SLC26A4: variants seen among roughly 807,000 people sequenced by gnomAD.
SLC26A4 encodes pendrin.
Under a neutral mutation model 90.4 loss-of-function variants are expected in SLC26A4, and 93 were observed. The ratio of observed to expected loss-of-function variants is 1.03; its 90% CI spans 0.87 to 1.22. SLC26A4 has a LOEUF of 1.22. Among genes scored for constraint, SLC26A4 ranks in the 50% most tolerant of loss-of-function variants. SLC26A4 has a pLI of 0.00. For synonymous variants in SLC26A4, 393 were observed against 354.6 expected, an observed-to-expected ratio of 1.11 and a Z score of -1.22; for missense variants, 1,127 against 946.2, an observed-to-expected ratio of 1.19 and a Z score of -2.51.
At chr7:107,690,469 C>T (rs189726748) in intron 10 of SLC26A4, among the ~76,000 whole-genome samples, 57 of 152,286 alleles carry the variant, frequency 3.7e-4, no homozygotes, top group African/African-American at 1.3e-3. Flanking sequence ...TCAGTGCTTA[C>T]CTGTCATGTA....
intron 6 of SLC26A4, among the ~76,000 whole-genome samples, chr7:107,676,538 T>G (rs1317297631): frequency 6.6e-6 from 1 of 152,214 alleles, no homozygotes; most frequent in East Asian, 1.9e-4. Context: ...TAAAAATGTG[T>G]TCTACATAAA....
intron 8 of SLC26A4, among the ~76,000 whole-genome samples, chr7:107,686,453 C>CT (rs368454334): frequency 2.7e-5 from 1 of 36,766 alleles, no homozygotes; most frequent in Non-Finnish European, 5.3e-5. Flanking sequence ...TTCTTTCTTT[C>CT]TTTTCTTTCT....
Position 107,694,283 on chromosome 7 carries a change from G to A in SLC26A4, c.1264-120G>A, listed in dbSNP as rs759537865. On this transcript the variant is annotated intron_variant, in intron 10 of 20. Coordinates refer to ENST00000644269, the MANE Select transcript of SLC26A4 (RefSeq NM_000441.2). ...TTTTCTCGACAGTATTGAGCAGAAG[G>A]GGGAGACAGGGAAGTATGAAGTGTG... 1.2e-5 allele frequency: 9 copies of A among 768,142 alleles called. No individual in the cohort carries two copies. The Admixed American group carries it at 1.8e-4, about 15-fold the overall frequency. 47.6% of individuals were successfully genotyped at this position (768,142 alleles called of 1,614,324 possible).
At chr7:107,705,643 T>A (rs1319214038) in intron 18 of SLC26A4, among the ~76,000 whole-genome samples, 1 of 38,368 alleles carries the variant, frequency 2.6e-5, no homozygotes, top group Non-Finnish European at 4.9e-5. Context: ...CCATGACTGG[T>A]TAAATTAAAG....
chr7:107,700,235 A>T, intron 15 of SLC26A4, 60 bp downstream of exon 15: 1 of 837,102 alleles, frequency 1.2e-6, no homozygotes, highest in Non-Finnish European at 2.1e-6. Flanking sequence ...CATTCATTCT[A>T]CAAGTATTTA....
intron 6 of SLC26A4, among the ~76,000 whole-genome samples, chr7:107,676,696 GT>G (rs1304931933): frequency 2.0e-5 from 3 of 152,166 alleles, no homozygotes; most frequent in Non-Finnish European, 4.4e-5. Flanking sequence ...CTAAAACAAT[GT>G]AAGGCCATGT....
chr7:107,680,300 A>AATGTTATTTTATT (rs79285399), intron 6 of SLC26A4, among the ~76,000 whole-genome samples: 1 of 36,160 alleles, frequency 2.8e-5, no homozygotes, highest in Non-Finnish European at 4.6e-5. Context: ...CTTATTATAT[A>AATGTTATTTTATT]ATATAATCTT....
chr7:107,674,043 T>C (rs1430694546), intron 4 of SLC26A4, 121 bp from the exon 5 acceptor site: 1 of 1,075,360 alleles, frequency 9.3e-7, no homozygotes, highest in Non-Finnish European at 1.4e-6. Context: ...GCTTCTTTCG[T>C]GAACAAACAA....
chr7:107,694,178 T>C (rs1392354985), intron 10 of SLC26A4, among the ~76,000 whole-genome samples: 1 of 152,218 alleles, frequency 6.6e-6, no homozygotes, highest in Non-Finnish European at 1.5e-5. Flanking sequence ...TCAGTCCCCA[T>C]ATTTTCTTTA....
At chr7:107,711,530 C>T (rs187057455) in intron 19 of SLC26A4, among the ~76,000 whole-genome samples, 34 of 152,170 alleles carry the variant, frequency 2.2e-4, no homozygotes, top group African/African-American at 8.2e-4. Context: ...CTAAGCATAA[C>T]GGAATGCTTG....
chr7:107,666,048 T>C (rs1197600097), intron 3 of SLC26A4, among the ~76,000 whole-genome samples: 2 of 152,182 alleles, frequency 1.3e-5, no homozygotes, highest in African/African-American at 4.8e-5. Context: ...CCATGTGCAC[T>C]CAGTGGTTCA....
intron 18 of SLC26A4, among the ~76,000 whole-genome samples, chr7:107,707,953 A>C (rs1360929202): frequency 1.3e-5 from 2 of 152,214 alleles, no homozygotes; most frequent in Non-Finnish European, 2.9e-5. Context: ...ATGAAATAAA[A>C]CCAAAGTGAA....
At chr7:107,699,927 C>CA (rs35161285) in intron 14 of SLC26A4, among the ~76,000 whole-genome samples, 156 bp from the exon 15 acceptor site, 98 of 140,362 alleles carry the variant, frequency 7.0e-4, no homozygotes, top group Middle Eastern at 3.7e-3. Context: ...AACTCCATCT[C>CA]AAAAAAAAAA....
chr7:107,710,535 A>T lies in SLC26A4; in HGVS notation c.2235+336A>T, dbSNP rs1179291706. Among the ~76,000 whole-genome samples, 5 of 152,244 alleles carry T rather than the reference A, an allele frequency of 3.3e-5. No homozygotes were observed. The East Asian group carries it at 9.6e-4, about 29-fold the overall frequency. On this transcript the variant is annotated intron_variant, in intron 19 of 20. Coordinates refer to ENST00000644269, the MANE Select transcript of SLC26A4 (RefSeq NM_000441.2). ...ATCTTTTGTGATCTGGGATTTGTGT[A>T]CATAAATTCCACTTAAATTCTCAGC...
chr7:107,674,053 A>G, intron 4 of SLC26A4, 111 bp from the exon 5 acceptor site: 1 of 1,148,348 alleles, frequency 8.7e-7, no homozygotes, highest in Non-Finnish European at 1.3e-6. Flanking sequence ...TGAACAAACA[A>G]TATTTTCCTA....
chr7:107,671,765 A>G (rs1393907916), intron 3 of SLC26A4, among the ~76,000 whole-genome samples: 2 of 152,124 alleles, frequency 1.3e-5, no homozygotes. Context: ...CATCCTAATA[A>G]CCCATTGCAA....
intron 16 of SLC26A4, 66 bp downstream of exon 16, chr7:107,701,262 T>C (rs531137817): frequency 1.0e-6 from 1 of 992,192 alleles, no homozygotes; most frequent in African/African-American, 1.6e-5. Flanking sequence ...AGTTAGAGGG[T>C]CTAAAATTAA....
chr7:107,704,187 A>G, intron 17 of SLC26A4, 144 bp from the exon 18 acceptor site: 1 of 614,852 alleles, frequency 1.6e-6, no homozygotes. Context: ...GAAAACCTCC[A>G]TGGTTTTGCA....
At chr7:107,689,953 C>A (rs144837860) in intron 9 of SLC26A4, among the ~76,000 whole-genome samples, 171 bp from the exon 10 acceptor site, 1 of 152,194 alleles carries the variant, frequency 6.6e-6, no homozygotes, top group Admixed American at 6.5e-5. Context: ...GGCGTCCAAA[C>A]TCCTGATGTC....
Sources: gnomAD v4.1 joint callset for allele counts (sites outside exome capture counted in the v4.1 genomes callset) on GRCh38, gnomAD v4.1.1 for gene constraint, MANE v1.5 for transcripts, NCBI Gene and HGNC (gene_info 2026-07-23, HGNC 2026-07-21) for gene names.